Variants in MRTFA observed in about 807,000 individuals in gnomAD.
MRTFA encodes myocardin-related transcription factor A.
MRTFA carries 20 observed loss-of-function variants against 83.5 expected under a neutral mutation model. That is an observed-to-expected ratio of 0.24 (90% CI 0.17 to 0.35). The LOEUF (loss-of-function observed/expected upper bound fraction) is 0.35, where lower values mean the gene tolerates loss of function less well. Ranked by LOEUF, MRTFA falls within the 10% of genes least tolerant of loss-of-function variation. The probability of loss-of-function intolerance (pLI) is 1.00; values close to 1 mark genes in which losing one functional copy is unlikely to be tolerated. For missense variants in MRTFA, 1,200 were observed against 1,224.7 expected (o/e 0.98, Z 0.30); for synonymous variants, 659 against 541.2 (o/e 1.22, Z -3.02).
At chr22:40,426,421 C>T (rs1206172833) in intron 7 of MRTFA, among the ~76,000 whole-genome samples, 1 of 152,178 alleles carries the variant, frequency 6.6e-6, no homozygotes. Context: ...CCTCTGCTTT[C>T]CTTCTCCACA....
At chr22:40,608,003 T>C (rs187953825) in intron 1 of MRTFA, among the ~76,000 whole-genome samples, 12 of 152,268 alleles carry the variant, frequency 7.9e-5, no homozygotes, top group Non-Finnish European at 1.2e-4. Context: ...ATGAAAATCA[T>C]AGACAGGCCA....
intron 4 of MRTFA, among the ~76,000 whole-genome samples, chr22:40,456,988 A>C (rs892977424): frequency 2.0e-5 from 3 of 152,234 alleles, no homozygotes; most frequent in Non-Finnish European, 2.9e-5. Flanking sequence ...CTCAGGAAAA[A>C]GAATGTTGAA....
At chr22:40,459,822 C>CACATATATATATATATAT (rs1308675939) in intron 4 of MRTFA, among the ~76,000 whole-genome samples, 1 of 68,264 alleles carries the variant, frequency 1.5e-5, no homozygotes, top group Non-Finnish European at 2.8e-5. Flanking sequence ...CACACACACA[C>CACATATATATATATATAT]ATATATACAT....
chr22:40,446,927 G>A (rs1213606091), intron 4 of MRTFA, among the ~76,000 whole-genome samples: 1 of 152,168 alleles, frequency 6.6e-6, no homozygotes, highest in African/African-American at 2.4e-5. Flanking sequence ...CTTAATTGAA[G>A]AAAGATATAC....
At position 40,420,853 on chromosome 22, in the gene MRTFA, G is replaced by C. The variant is rs937876523; in HGVS notation, c.1175C>G (p.Pro392Arg). The C allele has an allele frequency of 1.9e-6, 3 of 1,613,364 alleles. No individual in the cohort carries two copies. Among genetic ancestry groups the C allele is most frequent in the Non-Finnish European group, 2.5e-6 (3 of 1,179,920 alleles). ...GTGAGGAGCGGGTGCCTACTTTGGC[G>C]GGGCAGGCAGGATGGCCTGGTAGTT... The change falls in exon 10 of 15, where the codon CCG becomes CGG. Residue 392 changes from proline to arginine, a missense_variant. By Grantham distance (103) the Pro-to-Arg change is moderately radical. Transcript: ENST00000355630.
intron 12 of MRTFA, 41 bp downstream of exon 12, chr22:40,418,333 C>T (rs2147065708): frequency 2.5e-6 from 4 of 1,594,256 alleles, no homozygotes; most frequent in East Asian, 2.2e-5. Context: ...CTCTTCCCAC[C>T]CTCCTCTGGG....
chr22:40,632,006 T>C (rs2056646769), intron 1 of MRTFA, among the ~76,000 whole-genome samples: 1 of 152,170 alleles, frequency 6.6e-6, no homozygotes, highest in South Asian at 2.1e-4. Context: ...CTTCCCACAA[T>C]GTGTGGCCAA....
rs758150714 is a variant in MRTFA, at chr22:40,480,743, C to CTTTT, written c.242-17461_242-17458dup. Among the ~76,000 whole-genome samples the CTTTT allele has an allele frequency of 3.8e-3, 356 of 93,516 alleles. 15 individuals carry two copies. The highest frequency in any genetic ancestry group is 5.3e-3 in the African/African-American group (110 of 20,884). The allele number at this position is 93,516 out of a possible 152,430, so 61.4% of individuals were successfully genotyped here. A position where few individuals can be genotyped will look rare whatever the true frequency, so the allele number is the denominator to read the frequency against. Reference sequence around the variant, plus strand: ...GAGGATCACGCCCAGGAGTTCAAGACTTTTTTTTTTTTTTTTTTTTTTTTG... The same window carrying CTTTT: ...GAGGATCACGCCCAGGAGTTCAAGACTTTTTTTTTTTTTTTTTTTTTTTTTTTTG... On this transcript the variant is annotated intron_variant, in intron 3 of 14. Transcript: ENST00000355630.
At chr22:40,618,988 TAA>T (rs1185963718) in intron 1 of MRTFA, among the ~76,000 whole-genome samples, 1 of 145,460 alleles carries the variant, frequency 6.9e-6, no homozygotes, top group South Asian at 2.2e-4. Flanking sequence ...TAATAATAAT[TAA>T]AAATATATAT....
At chr22:40,459,239 CAAAAAAAAAAAAAA>C (rs59958160) in intron 4 of MRTFA, among the ~76,000 whole-genome samples, 2 of 87,108 alleles carry the variant, frequency 2.3e-5, no homozygotes, top group Non-Finnish European at 4.4e-5. Context: ...AGGGGTCTGG[CAAAAAAAAAAAAAA>C]AAAAAAAAAA....
In MRTFA at chr22:40,414,842, A is replaced by T. The variant is rs765779946; in HGVS notation, c.2578+2144T>A. ...TAATACCTCTGATTGTACATTTAAA[A>T]AATGATTAGAATGGCAAATTTTATT... On this transcript the variant is annotated intron_variant, in intron 14 of 14. Transcript: ENST00000355630. 3.3e-4 allele frequency among the ~76,000 whole-genome samples: 51 copies of T among 152,314 alleles called. 1 individual carries two copies. The highest frequency in any genetic ancestry group is 7.2e-4 in the Admixed American group (11 of 15,304).
chr22:40,474,743 T>C (rs2053964899), intron 3 of MRTFA, among the ~76,000 whole-genome samples: 1 of 152,218 alleles, frequency 6.6e-6, no homozygotes, highest in Admixed American at 6.5e-5. Flanking sequence ...ATAAAGTAAG[T>C]TCTAATTTGT....
intron 13 of MRTFA, 121 bp from the exon 14 acceptor site, chr22:40,417,167 G>T: frequency 1.5e-6 from 2 of 1,360,778 alleles, no homozygotes; most frequent in Non-Finnish European, 2.0e-6. Context: ...CAGGACCCAT[G>T]GGCGTGCCCG....
chr22:40,416,846 C>A lies in MRTFA; in HGVS notation c.2578+140G>T. ...CCCAGGCCTTGGAGACGGGAGGGCT[C>A]ACAGCCACCACTGCATCCACAGTGC... On this transcript the variant is annotated intron_variant, in intron 14 of 14. Coordinates refer to ENST00000355630, the MANE Select transcript of MRTFA (RefSeq NM_020831.6). This position sits in a 1 kb window ranked among gnomAD's most constrained non-coding sequence, Gnocchi z 4.2. 1.3e-6 allele frequency: 1 copy of A among 793,954 alleles called. No homozygotes were observed. The highest frequency in any genetic ancestry group is 1.7e-5 in the South Asian group (1 of 57,652). 49.2% of individuals were successfully genotyped at this position (793,954 alleles called of 1,614,324 possible).
chr22:40,459,830 C>CATACATAT (rs1555973834), intron 4 of MRTFA, among the ~76,000 whole-genome samples: 12 of 86,944 alleles, frequency 1.4e-4, no homozygotes, highest in South Asian at 1.1e-3. Context: ...CACATATATA[C>CATACATAT]ATATATATAT....
chr22:40,453,167 C>T (rs530349305), intron 4 of MRTFA, among the ~76,000 whole-genome samples: 1 of 152,196 alleles, frequency 6.6e-6, no homozygotes, highest in Non-Finnish European at 1.5e-5. Context: ...ATCAGGTCAG[C>T]CTCACTTCTG....
intron 4 of MRTFA, among the ~76,000 whole-genome samples, chr22:40,461,259 T>C (rs1343353342): frequency 3.3e-5 from 5 of 150,790 alleles, no homozygotes; most frequent in Non-Finnish European, 5.9e-5. Flanking sequence ...CCAGGCTTCT[T>C]ACACTTGTTA....
chr22:40,557,711 G>A (rs2055546597), intron 2 of MRTFA, among the ~76,000 whole-genome samples: 1 of 152,102 alleles, frequency 6.6e-6, no homozygotes, highest in African/African-American at 2.4e-5. Flanking sequence ...AGGAGGAAAG[G>A]TGAATTTAAT....
rs193048547 is a variant in MRTFA at position 40,528,463 on chromosome 22, C to T, written c.241+23643G>A. The stretch of plus-strand genomic sequence containing the variant: ...TTAAATATAAAACTAAGTGGCCAGG[C>T]GTGGTGGCTCACACCTGTAATCCCA... On this transcript the variant is annotated intron_variant, in intron 3 of 14. Coordinates refer to ENST00000355630, the MANE Select transcript of MRTFA (RefSeq NM_020831.6). Among the ~76,000 whole-genome samples the T allele has an allele frequency of 9.7e-4, 147 of 152,160 alleles. 1 individual carries two copies. The Middle Eastern group carries it at 0.02, about 21-fold the overall frequency.
Sources: gnomAD v4.1 joint callset for allele counts (sites outside exome capture counted in the v4.1 genomes callset) on GRCh38, gnomAD v4.1.1 for gene constraint, Gnocchi (gnomAD v3.1) non-coding constraint, MANE v1.5 for transcripts, NCBI Gene and HGNC (gene_info 2026-07-23, HGNC 2026-07-21) for gene names.